The following ACTR3 variants were observed in gnomAD, a reference collection of about 807,000 sequenced individuals.
ACTR3 encodes actin related protein 3, also known as actin-related protein 3.
In ACTR3, 12 loss-of-function variants were observed where a neutral mutation model predicts 56.8. The observed-to-expected ratio is 0.21, with a 90% CI of 0.14 to 0.34. ACTR3 has a LOEUF of 0.34. Among genes scored for constraint, ACTR3 ranks in the 10% least tolerant of loss-of-function variants. ACTR3 has a pLI of 1.00. For missense variants in ACTR3, 282 were observed against 512.5 expected (o/e 0.55, Z 4.34); for synonymous variants, 162 against 167.4 (o/e 0.97, Z 0.25).
At chr2:113,939,235 G>T (rs1383196192) in intron 6 of ACTR3, among the ~76,000 whole-genome samples, 1 of 151,928 alleles carries the variant, frequency 6.6e-6, no homozygotes, top group Non-Finnish European at 1.5e-5. Context: ...TGTTAGCCAG[G>T]ATGGTCTCGA....
intron 2 of ACTR3, among the ~76,000 whole-genome samples, chr2:113,913,917 C>A (rs1355858189): frequency 2.6e-5 from 4 of 152,160 alleles, no homozygotes; most frequent in African/African-American, 9.7e-5. Context: ...GCAAACAGTT[C>A]ACGTTTTTTG....
chr2:113,942,083 GTT>G (rs70937252), intron 7 of ACTR3, 101 bp from the exon 8 acceptor site: 288 of 763,054 alleles, frequency 3.8e-4, no homozygotes, highest in Middle Eastern at 8.7e-4. Context: ...TTTCTGAAGA[GTT>G]TTTTTTTTTT....
chr2:113,902,288 C>T (rs1679113830), intron 1 of ACTR3, among the ~76,000 whole-genome samples: 1 of 152,056 alleles, frequency 6.6e-6, no homozygotes, highest in South Asian at 2.1e-4. Context: ...TTCTTCTAGT[C>T]ACCAAGGCTT....
chr2:113,952,909 A>G (rs1419503692), intron 10 of ACTR3: 2 of 152,100 alleles, frequency 1.3e-5, no homozygotes, highest in Non-Finnish European at 2.9e-5. Context: ...CCACATATCT[A>G]TCTACCCTAC....
intron 2 of ACTR3, among the ~76,000 whole-genome samples, chr2:113,913,974 T>A (rs1171006977): frequency 6.6e-6 from 1 of 152,232 alleles, no homozygotes; most frequent in Admixed American, 6.5e-5. Flanking sequence ...ACAGCCAAAT[T>A]AAAACTTTTG....
Position 113,942,274 on chromosome 2 carries a change from G to C in ACTR3, c.773G>C (p.Gly258Ala). Residue 258 changes from glycine to alanine, a missense_variant, in exon 8 of 12, where the codon GGA becomes GCA. Transcript: ENST00000263238. The stretch of plus-strand genomic sequence containing the variant: ...TCAAAATGGATTAAACAGTATACTG[G>C]AATCAATGCTATCTCAAAGAAAGAG... ...DGSKWIKQYT[G>A]INAISKKEFS... 2 of 1,605,442 alleles carry C rather than the reference G, an allele frequency of 1.2e-6. No individual in the cohort carries two copies. Among genetic ancestry groups the C allele is most frequent in the Non-Finnish European group, 1.7e-6 (2 of 1,176,596 alleles).
chr2:113,907,742 G>T (rs1679222244), intron 1 of ACTR3, among the ~76,000 whole-genome samples: 1 of 152,038 alleles, frequency 6.6e-6, no homozygotes, highest in Non-Finnish European at 1.5e-5. Context: ...AGAGGCTGAG[G>T]CTGGCTGATC....
At position 113,957,320 on chromosome 2, in the gene ACTR3, A is replaced by C. The variant is rs1447906446; in HGVS notation, c.1162-40A>C. 6 of 1,453,710 alleles carry C rather than the reference A, an allele frequency of 4.1e-6. No homozygotes were observed. In the South Asian group the frequency reaches 5.7e-5, roughly 14 times the overall value. 90.1% of individuals were successfully genotyped at this position (1,453,710 alleles called of 1,614,324 possible). On this transcript the variant is annotated intron_variant, in intron 11 of 11. Transcript: ENST00000263238. ...TTTCAATATACCTTCAAGATGGTAG[A>C]TTTTTGACCCTTATAAAAATACATA...
At chr2:113,911,790 G>A (rs952062730) in intron 1 of ACTR3, among the ~76,000 whole-genome samples, 3 of 151,944 alleles carry the variant, frequency 2.0e-5, no homozygotes, top group Admixed American at 2.0e-4. Context: ...AGGCTGGAGT[G>A]CAGTGGTGTG....
chr2:113,894,394 A>G (rs979818145), intron 1 of ACTR3, among the ~76,000 whole-genome samples: 3 of 152,198 alleles, frequency 2.0e-5, no homozygotes, highest in Non-Finnish European at 2.9e-5. Context: ...CACCGGCTTA[A>G]TAATGCTATT....
Position 113,961,307 on chromosome 2 carries a change from T to G in ACTR3, c.*3852T>G, listed in dbSNP as rs942571215. 6.6e-6 allele frequency: 1 copy of G among 151,972 alleles called. No homozygotes were observed. Among genetic ancestry groups the G allele is most frequent in the Non-Finnish European group, 1.5e-5 (1 of 67,908 alleles). 9.4% of individuals were successfully genotyped at this position (151,972 alleles called of 1,614,324 possible). Reference sequence around the variant, plus strand: ...GCATTTGGAGCTTGGGTGCTGAAATTAAATATAACCTATTTGAGTTAAGGA... The same window carrying G: ...GCATTTGGAGCTTGGGTGCTGAAATGAAATATAACCTATTTGAGTTAAGGA... On this transcript the variant is annotated 3_prime_UTR_variant, in exon 12 of 12. Transcript: ENST00000263238.
At chr2:113,943,676 G>A (rs1679964771) in intron 8 of ACTR3, among the ~76,000 whole-genome samples, 1 of 152,134 alleles carries the variant, frequency 6.6e-6, no homozygotes, top group Non-Finnish European at 1.5e-5. Flanking sequence ...TATGAGGGGA[G>A]TAAGAATATG....
intron 1 of ACTR3, among the ~76,000 whole-genome samples, chr2:113,892,925 C>T (rs897562266): frequency 2.6e-5 from 4 of 152,090 alleles, no homozygotes; most frequent in African/African-American, 4.8e-5. Flanking sequence ...TTTTAGGGAT[C>T]GTCCAGCAAA....
chr2:113,957,581 T>G lies in ACTR3; in HGVS notation c.*126T>G. On this transcript the variant is annotated 3_prime_UTR_variant, in exon 12 of 12. Transcript: ENST00000263238. ...CTTGAAATAGTAACACCAAACATGA[T>G]TATACAGGAATATTTTAATAAGTGT... 1.5e-6 allele frequency: 1 copy of G among 648,348 alleles called. No individual in the cohort carries two copies. Among genetic ancestry groups the G allele is most frequent in the Admixed American group, 2.4e-5 (1 of 41,548 alleles). 40.2% of individuals were successfully genotyped at this position (648,348 alleles called of 1,614,324 possible). A position where few individuals can be genotyped will look rare whatever the true frequency, so the allele number is the denominator to read the frequency against.
intron 1 of ACTR3, chr2:113,904,190 A>C (rs1348931733): frequency 6.6e-6 from 1 of 152,220 alleles, no homozygotes; most frequent in African/African-American, 2.4e-5. Context: ...ATTGTCCTTG[A>C]TGAGTCCCTG....
chr2:113,897,286 A>G (rs1036977839), intron 1 of ACTR3, among the ~76,000 whole-genome samples: 3 of 152,188 alleles, frequency 2.0e-5, no homozygotes, highest in African/African-American at 7.2e-5. Context: ...TTATAACTTT[A>G]TATGGGCCTT....
At chr2:113,890,702 GCCAGTCGGTTTGGGGACCCAGGGGC>G (rs1574343127) in intron 1 of ACTR3, 2 of 1,113,514 alleles carry the variant, frequency 1.8e-6, no homozygotes, top group East Asian at 1.1e-4. Context: ...GCCCGTTTTT[GCCAGTCGGTTTGGGGACCCAGGGGC>G]CGAGCTCGGG....
rs888056900 is a variant in ACTR3, at chr2:113,927,217, A to G, written c.226-128A>G. On this transcript the variant is annotated intron_variant, in intron 3 of 11. Transcript: ENST00000263238. ...AGTACACATCTTTTAAGGATGTTCT[A>G]TAGTATCACACCTATGAATATATCC... is the stretch of plus-strand genomic sequence containing the variant. 1.7e-4 allele frequency: 87 copies of G among 521,574 alleles called. 1 individual carries two copies. Among genetic ancestry groups the G allele is most frequent in the Admixed American group, 9.1e-4 (24 of 26,460 alleles). The allele number at this position is 521,574 out of a possible 1,614,324, so 32.3% of individuals were successfully genotyped here.
chr2:113,890,129 T>C lies in ACTR3; in HGVS notation c.-151T>C, dbSNP rs996941795. 21 of 949,858 alleles carry C rather than the reference T, an allele frequency of 2.2e-5. No individual in the cohort carries two copies. The highest frequency in any genetic ancestry group is 5.0e-5 in the African/African-American group (3 of 60,442). The allele number at this position is 949,858 out of a possible 1,614,324, so 58.8% of individuals were successfully genotyped here. On this transcript the variant is annotated 5_prime_UTR_variant, in exon 1 of 12. Coordinates refer to ENST00000263238, the MANE Select transcript of ACTR3 (RefSeq NM_005721.5). The stretch of plus-strand genomic sequence containing the variant: ...GCCGCCGACCGAGCCTGCTGCTTTC[T>C]TGCTACTGCTTCGGCTTCCCGGCTA...
Sources: allele counts gnomAD v4.1 joint callset (sites outside exome capture counted in the v4.1 genomes callset), GRCh38; gene constraint gnomAD v4.1.1; transcripts MANE v1.5; gene names NCBI Gene and HGNC (gene_info 2026-07-23, HGNC 2026-07-21).